TBL1X: variants seen among roughly 807,000 people sequenced by gnomAD.
TBL1X encodes F-box-like/WD repeat-containing protein TBL1X.
In TBL1X, 10 loss-of-function variants were observed where a neutral mutation model predicts 50.7. The observed-to-expected ratio is 0.20, with a 90% CI of 0.12 to 0.33. The LOEUF is 0.33. TBL1X is among the 10% of genes least tolerant of loss of function. The probability of loss-of-function intolerance (pLI) is 1.00; values close to 1 mark genes in which losing one functional copy is unlikely to be tolerated. For missense variants in TBL1X, 340 were observed against 504.4 expected, an observed-to-expected ratio of 0.67 and a Z score of 3.12; for synonymous variants, 190 against 214.7, an observed-to-expected ratio of 0.88 and a Z score of 1.01.
chrX:9,611,668 G>A (rs1159284742), intron 2 of TBL1X, among the ~76,000 whole-genome samples: 2 of 112,446 alleles, frequency 1.8e-5, no homozygotes, highest in African/African-American at 6.5e-5. Flanking sequence ...GACTAATCCT[G>A]GCTCAGGCAT....
rs147251572 is a variant in TBL1X, at chrX:9,627,336, T to C, written c.-130-12937T>C. Among the ~76,000 whole-genome samples the C allele has an allele frequency of 6.5e-3, 732 of 111,928 alleles. 3 individuals carry two copies. Among genetic ancestry groups the C allele is most frequent in the Middle Eastern group, 0.032 (7 of 218 alleles). On this transcript the variant is annotated intron_variant, in intron 2 of 17. Coordinates refer to ENST00000645353, the MANE Select transcript of TBL1X (RefSeq NM_005647.4). Reference sequence around the variant, plus strand: ...AAGTGTTGATCTAAGAATCTATGAATCTGAATTTTACATAATGAGAGAGAT... The same window carrying C: ...AAGTGTTGATCTAAGAATCTATGAACCTGAATTTTACATAATGAGAGAGAT...
chrX:9,483,952 A>C, intron 1 of TBL1X, among the ~76,000 whole-genome samples: 1 of 112,222 alleles, frequency 8.9e-6, no homozygotes, highest in Non-Finnish European at 1.9e-5. Flanking sequence ...TTGTATCTTT[A>C]CTGAGGTATA....
At chrX:9,509,984 T>C (rs1430984035) in intron 2 of TBL1X, among the ~76,000 whole-genome samples, 1 of 111,586 alleles carries the variant, frequency 9.0e-6, no homozygotes, top group Non-Finnish European at 1.9e-5. Flanking sequence ...TCTAGAGAGC[T>C]ACACCTCACT....
At chrX:9,473,066 G>A (rs2081827738) in intron 1 of TBL1X, among the ~76,000 whole-genome samples, 1 of 111,688 alleles carries the variant, frequency 9.0e-6, no homozygotes, top group African/African-American at 3.3e-5. Context: ...TCTATGTGAA[G>A]ATGAGAAATG....
At chrX:9,560,005 G>A (rs1016568619) in intron 2 of TBL1X, among the ~76,000 whole-genome samples, 7 of 111,694 alleles carry the variant, frequency 6.3e-5, no homozygotes, top group African/African-American at 6.5e-5. Flanking sequence ...GCTAGGCTGC[G>A]TGTTTTACAT....
intron 2 of TBL1X, among the ~76,000 whole-genome samples, chrX:9,639,407 G>A (rs192974137): frequency 7.3e-4 from 81 of 111,683 alleles, no homozygotes; most frequent in African/African-American, 2.4e-3. Flanking sequence ...TCTTGAATTC[G>A]TAGATGATAG....
chrX:9,624,183 C>T (rs1384322331), intron 2 of TBL1X, among the ~76,000 whole-genome samples: 1 of 112,391 alleles, frequency 8.9e-6, no homozygotes, highest in Non-Finnish European at 1.9e-5. Flanking sequence ...TATTTTTAAT[C>T]TGTGATATTT....
At position 9,483,665 on chromosome X, in the gene TBL1X, G is replaced by T. The variant is rs144475886; in HGVS notation, c.-200-18115G>T. 5.9e-3 allele frequency among the ~76,000 whole-genome samples: 661 copies of T among 111,201 alleles called. 18 individuals are homozygous for T. Among genetic ancestry groups the T allele is most frequent in the Admixed American group, 0.043 (447 of 10,483 alleles). On this transcript the variant is annotated intron_variant, in intron 1 of 17. Coordinates refer to ENST00000645353, the MANE Select transcript of TBL1X (RefSeq NM_005647.4). ...CACCCTCCGACAAGCCCTGATCTGT[G>T]CTCTGAACAAACTCCTATGCGGGTC...
intron 16 of TBL1X, 68 bp downstream of exon 16, chrX:9,711,844 C>A: frequency 9.1e-7 from 1 of 1,103,448 alleles, no homozygotes; most frequent in Admixed American, 2.7e-5. Flanking sequence ...ACTCCAGTGC[C>A]CTTGGCTCAG....
At chrX:9,497,196 C>T (rs980247780) in intron 1 of TBL1X, among the ~76,000 whole-genome samples, 1 of 110,306 alleles carries the variant, frequency 9.1e-6, no homozygotes, top group African/African-American at 3.3e-5. Flanking sequence ...TTAACTTGAG[C>T]CCAGGGGTTT....
chrX:9,472,774 A>G (rs763501041), intron 1 of TBL1X, among the ~76,000 whole-genome samples: 2 of 110,276 alleles, frequency 1.8e-5, no homozygotes, highest in East Asian at 5.7e-4. Context: ...TTAGCCAGGC[A>G]TGGTGGTGGG....
intron 2 of TBL1X, among the ~76,000 whole-genome samples, chrX:9,623,544 G>T: frequency 9.0e-6 from 1 of 110,982 alleles, no homozygotes; most frequent in Middle Eastern, 4.6e-3. Flanking sequence ...AAAATTAGCG[G>T]GGCATAGTGG....
Position 9,477,169 on chromosome X carries a change from T to C in TBL1X, c.-201+11722T>C, listed in dbSNP as rs755591109. 2.7e-5 allele frequency among the ~76,000 whole-genome samples: 3 copies of C among 112,350 alleles called. No individual in the cohort carries two copies. The East Asian group carries it at 8.4e-4, about 31-fold the overall frequency. On this transcript the variant is annotated intron_variant, in intron 1 of 17. Coordinates refer to ENST00000645353, the MANE Select transcript of TBL1X (RefSeq NM_005647.4). ...AGTAAGTTGTCCTTTTTGAATTTTC[T>C]TTCCTTTCTAATATGTGTCTGGCAC...
intron 7 of TBL1X, 129 bp from the exon 8 acceptor site, chrX:9,691,450 A>AAAAG: frequency 1.5e-6 from 1 of 663,315 alleles, no homozygotes; most frequent in Non-Finnish European, 2.1e-6. Context: ...AAAAAAAAAA[A>AAAAG]AAAAGAAAAG....
chrX:9,642,049 A>G (rs2082778411), intron 3 of TBL1X, among the ~76,000 whole-genome samples: 1 of 111,890 alleles, frequency 8.9e-6, no homozygotes, highest in African/African-American at 3.2e-5. Context: ...ACACCAGTCA[A>G]TATTTTTCGA....
chrX:9,604,542 C>G (rs1366724595), intron 2 of TBL1X, among the ~76,000 whole-genome samples: 1 of 111,016 alleles, frequency 9.0e-6, no homozygotes, highest in East Asian at 2.9e-4. Flanking sequence ...TTTGCCAGTT[C>G]AGAGGTGTAG....
chrX:9,503,445 C>T (rs1195164359), intron 2 of TBL1X, among the ~76,000 whole-genome samples: 1 of 113,302 alleles, frequency 8.8e-6, no homozygotes, highest in Admixed American at 9.2e-5. Context: ...GTACCAGCTG[C>T]AGCTGCCTGC....
intron 12 of TBL1X, among the ~76,000 whole-genome samples, chrX:9,703,562 C>T (rs749637637): frequency 9.0e-6 from 1 of 111,446 alleles, no homozygotes; most frequent in South Asian, 3.8e-4. Flanking sequence ...AACAGATGCT[C>T]GCTCCCAGCC....
At chrX:9,612,861 T>A (rs1288692260) in intron 2 of TBL1X, among the ~76,000 whole-genome samples, 3 of 111,287 alleles carry the variant, frequency 2.7e-5, no homozygotes, top group Non-Finnish European at 3.8e-5. Flanking sequence ...ATACAAAAAA[T>A]TTTAAAAACT....
Sources: allele counts gnomAD v4.1 joint callset (sites outside exome capture counted in the v4.1 genomes callset), GRCh38; gene constraint gnomAD v4.1.1; transcripts MANE v1.5; gene names NCBI Gene and HGNC (gene_info 2026-07-23, HGNC 2026-07-21).